Variants in WDR25 observed in about 807,000 individuals in gnomAD.
The protein encoded by WDR25 is WD repeat-containing protein 25.
WDR25 carries 35 observed loss-of-function variants against 47.7 expected under a neutral mutation model. That is an observed-to-expected ratio of 0.73 (90% CI 0.56 to 0.97). The LOEUF is 0.97. Among genes scored for constraint, WDR25 ranks in the 50% least tolerant of loss-of-function variants. The pLI is 0.00. For missense variants in WDR25, 634 were observed against 704.7 expected (o/e 0.90, Z 1.14); for synonymous variants, 248 against 278.9 (o/e 0.89, Z 1.10).
intron 2 of WDR25, among the ~76,000 whole-genome samples, chr14:100,399,894 A>G (rs1374752924): frequency 2.0e-5 from 3 of 152,206 alleles, no homozygotes; most frequent in Admixed American, 6.5e-5. Flanking sequence ...ATTTACTTAC[A>G]TTAACTGAGG....
intron 4 of WDR25, among the ~76,000 whole-genome samples, chr14:100,518,431 T>C (rs1158407371): frequency 1.3e-5 from 2 of 152,152 alleles, no homozygotes; most frequent in Non-Finnish European, 1.5e-5. Flanking sequence ...AGCAGTTTGA[T>C]TGGGATATGC....
At chr14:100,493,660 C>T (rs1007009391) in intron 4 of WDR25, among the ~76,000 whole-genome samples, 10 of 152,140 alleles carry the variant, frequency 6.6e-5, no homozygotes, top group African/African-American at 1.9e-4. Flanking sequence ...TTATAGTTTA[C>T]GTTAGGGTTC....
chr14:100,421,516 C>T (rs949792088), intron 2 of WDR25, among the ~76,000 whole-genome samples: 1 of 152,110 alleles, frequency 6.6e-6, no homozygotes, highest in Admixed American at 6.5e-5. Context: ...GATTTGTGAC[C>T]TATGTTAATC....
intron 2 of WDR25, among the ~76,000 whole-genome samples, chr14:100,418,754 G>GGGTGGC (rs1897944054): frequency 6.6e-6 from 1 of 150,694 alleles, no homozygotes; most frequent in African/African-American, 2.5e-5. Context: ...TGGGAGTTTG[G>GGGTGGC]GGTGGCGGTG....
intron 4 of WDR25, among the ~76,000 whole-genome samples, chr14:100,508,108 G>A (rs558296389): frequency 1.9e-4 from 29 of 152,276 alleles, no homozygotes; most frequent in African/African-American, 7.0e-4. Context: ...CGGATGCAAA[G>A]TTGGTTCATT....
chr14:100,513,174 T>G (rs530657620), intron 4 of WDR25, among the ~76,000 whole-genome samples: 154 of 152,340 alleles, frequency 1.0e-3, no homozygotes, highest in African/African-American at 3.4e-3. Flanking sequence ...TGCTATACTT[T>G]GAACGTATGT....
intron 3 of WDR25, among the ~76,000 whole-genome samples, chr14:100,475,595 G>A (rs573709670): frequency 1.3e-5 from 2 of 152,258 alleles, no homozygotes; most frequent in East Asian, 1.9e-4. Flanking sequence ...TCGTAGAAGC[G>A]TTGAGTAGAA....
intron 2 of WDR25, among the ~76,000 whole-genome samples, chr14:100,451,445 C>A (rs567234647): frequency 2.7e-4 from 41 of 152,254 alleles, no homozygotes; most frequent in Middle Eastern, 3.4e-3. Context: ...GTCTCGAACT[C>A]CTGGGCTCAA....
chr14:100,477,638 A>T (rs1212093645), intron 3 of WDR25, among the ~76,000 whole-genome samples: 3 of 152,216 alleles, frequency 2.0e-5, no homozygotes, highest in Non-Finnish European at 4.4e-5. Flanking sequence ...CCTCTGGCAC[A>T]GCTAGTGTTC....
intron 2 of WDR25, among the ~76,000 whole-genome samples, chr14:100,433,792 G>C (rs1898413667): frequency 6.6e-6 from 1 of 152,142 alleles, no homozygotes; most frequent in African/African-American, 2.4e-5. Context: ...GCTAGCTGCT[G>C]TCTCCATATT....
At chr14:100,403,889 G>C (rs1218010209) in intron 2 of WDR25, among the ~76,000 whole-genome samples, 1 of 152,146 alleles carries the variant, frequency 6.6e-6, no homozygotes, top group African/African-American at 2.4e-5. Flanking sequence ...GGCAGCTTCC[G>C]GGGAATAAGA....
intron 3 of WDR25, among the ~76,000 whole-genome samples, chr14:100,477,738 TC>T (rs1389631254): frequency 6.6e-6 from 1 of 152,232 alleles, no homozygotes; most frequent in Non-Finnish European, 1.5e-5. Flanking sequence ...CGTTGTATTT[TC>T]AAAGCCTCAT....
intron 4 of WDR25, among the ~76,000 whole-genome samples, chr14:100,491,247 C>G (rs1900554149): frequency 6.6e-6 from 1 of 152,210 alleles, no homozygotes; most frequent in Non-Finnish European, 1.5e-5. Context: ...CGGAAGGGCT[C>G]AGTTACACAC....
chr14:100,391,379 C>T (rs947960738), intron 2 of WDR25, among the ~76,000 whole-genome samples: 3 of 152,202 alleles, frequency 2.0e-5, no homozygotes, highest in Non-Finnish European at 2.9e-5. Context: ...GGAGCAGCGC[C>T]GCGGTCCCCG....
At chr14:100,520,674 A>C (rs1271117185) in intron 4 of WDR25, among the ~76,000 whole-genome samples, 1 of 152,142 alleles carries the variant, frequency 6.6e-6, no homozygotes, top group African/African-American at 2.4e-5. Context: ...AAGACAATGC[A>C]TTTATTACTG....
At chr14:100,419,072 A>T (rs578001317) in intron 2 of WDR25, among the ~76,000 whole-genome samples, 72 of 152,146 alleles carry the variant, frequency 4.7e-4, no homozygotes, top group African/African-American at 1.6e-3. Flanking sequence ...TACAAAAAAA[A>T]TTAGCTAGGT....
chr14:100,498,968 AG>A lies in WDR25; in HGVS notation c.1101+14847del, dbSNP rs1317607839. 2.0e-5 allele frequency among the ~76,000 whole-genome samples: 3 copies of A among 152,162 alleles called. No homozygotes were observed. Among genetic ancestry groups the A allele is most frequent in the African/African-American group, 4.8e-5 (2 of 41,424 alleles). ...GTCCCCCTGTGACTTGGGTGCAAGC[AG>A]GGTGTAGGGGTAGAGGCAAAAAAGG... On this transcript the variant is annotated intron_variant, in intron 4 of 6. Transcript: ENST00000402312. This position sits in a 1 kb window ranked among gnomAD's most constrained non-coding sequence, Gnocchi z 4.2.
intron 2 of WDR25, among the ~76,000 whole-genome samples, chr14:100,417,945 C>CTT (rs1259298049): frequency 6.3e-5 from 9 of 143,618 alleles, no homozygotes; most frequent in African/African-American, 1.5e-4. Flanking sequence ...TTGCTTATGT[C>CTT]TTTTTTTTTT....
intron 4 of WDR25, chr14:100,504,734 A>C (rs955027368): frequency 6.6e-6 from 1 of 152,198 alleles, no homozygotes; most frequent in African/African-American, 2.4e-5. Flanking sequence ...TTCTTTGGGT[A>C]AATAACTGAG....
Sources: gnomAD v4.1 joint callset for allele counts (sites outside exome capture counted in the v4.1 genomes callset) on GRCh38, gnomAD v4.1.1 for gene constraint, Gnocchi (gnomAD v3.1) non-coding constraint, MANE v1.5 for transcripts, NCBI Gene and HGNC (gene_info 2026-07-23, HGNC 2026-07-21) for gene names.